KCNQ5: variants seen among roughly 807,000 people sequenced by gnomAD.
KCNQ5 encodes potassium voltage-gated channel subfamily KQT member 5.
In KCNQ5, 30 loss-of-function variants were observed where a neutral mutation model predicts 98.2. That is an observed-to-expected ratio of 0.31 (90% CI 0.23 to 0.41). KCNQ5 has a LOEUF of 0.41. Among genes scored for constraint, KCNQ5 ranks in the 10% least tolerant of loss-of-function variants. The pLI, the probability that KCNQ5 is intolerant of heterozygous loss-of-function variation, is 1.00. For synonymous variants in KCNQ5, 458 were observed against 449.4 expected, an observed-to-expected ratio of 1.02 and a Z score of -0.24; for missense variants, 835 against 1,182.5, an observed-to-expected ratio of 0.71 and a Z score of 4.31.
At chr6:72,937,353 A>C (rs1001787650) in intron 1 of KCNQ5, among the ~76,000 whole-genome samples, 4 of 152,142 alleles carry the variant, frequency 2.6e-5, no homozygotes, top group African/African-American at 9.7e-5. Flanking sequence ...TTGAACCAGC[A>C]AGAATCTGCC....
chr6:73,174,702 C>T (rs1348727141), intron 11 of KCNQ5, among the ~76,000 whole-genome samples: 1 of 152,202 alleles, frequency 6.6e-6, no homozygotes, highest in Non-Finnish European at 1.5e-5. Context: ...TCTGTACATC[C>T]TTGAGCAACT....
intron 2 of KCNQ5, among the ~76,000 whole-genome samples, chr6:73,032,114 A>G (rs563668381): frequency 6.6e-6 from 1 of 152,370 alleles, no homozygotes; most frequent in African/African-American, 2.4e-5. Context: ...GATCTGTTTT[A>G]TAGTCAACTT....
intron 1 of KCNQ5, among the ~76,000 whole-genome samples, chr6:72,899,680 G>T (rs967438580): frequency 2.0e-5 from 3 of 151,830 alleles, no homozygotes; most frequent in African/African-American, 4.8e-5. Context: ...GATTATAGGG[G>T]TACAGGTGGT....
At chr6:72,647,112 CTTACA>C (rs1466352273) in intron 1 of KCNQ5, among the ~76,000 whole-genome samples, 1 of 152,220 alleles carries the variant, frequency 6.6e-6, no homozygotes, top group African/African-American at 2.4e-5. Context: ...TGTGACTATT[CTTACA>C]TTACAACAAT....
At chr6:72,758,294 T>C (rs1772079315) in intron 1 of KCNQ5, among the ~76,000 whole-genome samples, 1 of 152,134 alleles carries the variant, frequency 6.6e-6, no homozygotes. Context: ...CCCTCCATTC[T>C]CCCTTCAATA....
intron 1 of KCNQ5, among the ~76,000 whole-genome samples, chr6:72,798,245 T>C (rs535217772): frequency 6.6e-6 from 1 of 152,322 alleles, no homozygotes; most frequent in African/African-American, 2.4e-5. Flanking sequence ...TGGATGTAAT[T>C]ACTCTACTTC....
chr6:72,718,980 A>G (rs1456863951), intron 1 of KCNQ5, among the ~76,000 whole-genome samples: 2 of 152,252 alleles, frequency 1.3e-5, no homozygotes, highest in African/African-American at 4.8e-5. Context: ...AATGCTGTCA[A>G]TGGAAAAATG....
At chr6:72,750,135 A>G (rs1315469455) in intron 1 of KCNQ5, among the ~76,000 whole-genome samples, 1 of 152,078 alleles carries the variant, frequency 6.6e-6, no homozygotes, top group African/African-American at 2.4e-5. Context: ...GAGACAAAGA[A>G]GCAAATAATC....
At chr6:72,833,804 A>G (rs1562013078) in intron 1 of KCNQ5, among the ~76,000 whole-genome samples, 1 of 152,148 alleles carries the variant, frequency 6.6e-6, no homozygotes, top group South Asian at 2.1e-4. Flanking sequence ...AAGTTCATCC[A>G]TAGGAAAGTA....
chr6:72,901,540 G>A (rs1484782829), intron 1 of KCNQ5, among the ~76,000 whole-genome samples: 3 of 152,144 alleles, frequency 2.0e-5, no homozygotes, highest in Admixed American at 2.0e-4. Flanking sequence ...TGAGAGATAA[G>A]GATCCAATTT....
chr6:73,042,262 C>G (rs1355190075), intron 3 of KCNQ5, 200 bp downstream of exon 3: 2 of 601,072 alleles, frequency 3.3e-6, no homozygotes, highest in Admixed American at 5.7e-5. Context: ...TTTATTATCC[C>G]CATTTTACAG....
At chr6:72,678,657 C>T (rs1172076436) in intron 1 of KCNQ5, 1 of 152,024 alleles carries the variant, frequency 6.6e-6, no homozygotes, top group African/African-American at 2.4e-5. Flanking sequence ...TAAAACTTGG[C>T]ATTTTCTCAA....
intron 1 of KCNQ5, among the ~76,000 whole-genome samples, chr6:72,895,223 A>G (rs1779203242): frequency 6.7e-6 from 1 of 150,094 alleles, no homozygotes; most frequent in Admixed American, 6.7e-5. Flanking sequence ...CAGGAGGCGG[A>G]GCTTGCAGTG....
chr6:72,771,652 CTGTGTGTGTGTGTG>C (rs150518788), intron 1 of KCNQ5, among the ~76,000 whole-genome samples: 2 of 147,750 alleles, frequency 1.4e-5, no homozygotes, highest in Non-Finnish European at 3.0e-5. Flanking sequence ...AACCATTTCA[CTGTGTGTGTGTGTG>C]TGTGTGTGTG....
chr6:72,986,883 A>G (rs2150305740), intron 1 of KCNQ5: 2 of 883,386 alleles, frequency 2.3e-6, no homozygotes, highest in Middle Eastern at 2.2e-4. Flanking sequence ...GAGGCTGGGG[A>G]TGCTGCGGAC....
At chr6:72,978,601 T>C (rs116728412) in intron 1 of KCNQ5, among the ~76,000 whole-genome samples, 2,092 of 152,338 alleles carry the variant, frequency 0.014, 50 homozygotes, top group African/African-American at 0.048. Flanking sequence ...TCAAGGCAGT[T>C]GTGATCCTTT....
intron 1 of KCNQ5, among the ~76,000 whole-genome samples, chr6:72,868,672 C>T (rs1778085983): frequency 6.6e-6 from 1 of 152,160 alleles, no homozygotes; most frequent in Non-Finnish European, 1.5e-5. Context: ...AGAGCACAAT[C>T]ATGGGAAAGA....
intron 1 of KCNQ5, among the ~76,000 whole-genome samples, chr6:72,974,378 C>G (rs1440004106): frequency 7.2e-6 from 1 of 138,974 alleles, no homozygotes; most frequent in East Asian, 2.1e-4. Context: ...ATGGCAATAA[C>G]TAGTGGCAAA....
intron 1 of KCNQ5, among the ~76,000 whole-genome samples, chr6:72,726,775 AAT>A (rs1022259089): frequency 3.3e-5 from 5 of 152,224 alleles, no homozygotes; most frequent in African/African-American, 1.2e-4. Context: ...TGAGGAATAA[AAT>A]AGAGAGGATA....
Sources: allele counts gnomAD v4.1 joint callset (sites outside exome capture counted in the v4.1 genomes callset), GRCh38; gene constraint gnomAD v4.1.1; transcripts MANE v1.5; gene names NCBI Gene and HGNC (gene_info 2026-07-23, HGNC 2026-07-21).